UGT2B11: variants seen among roughly 807,000 people sequenced by gnomAD.
UGT2B11 encodes UDP glucuronosyltransferase family 2 member B11, also known as UDP-glucuronosyltransferase 2B11.
Under a neutral mutation model 51.7 loss-of-function variants are expected in UGT2B11, and 49 were observed. The observed-to-expected ratio is 0.95, with a 90% CI of 0.75 to 1.20. The LOEUF is 1.20. Ranked by LOEUF, UGT2B11 falls within the 50% of genes most tolerant of loss-of-function variation. The pLI, the probability that UGT2B11 is intolerant of heterozygous loss-of-function variation, is 0.00. For missense variants in UGT2B11, 810 were observed against 622.1 expected (o/e 1.30, Z -3.21); for synonymous variants, 273 against 209.0 (o/e 1.31, Z -2.64).
chr4:69,214,301 T>C lies in UGT2B11; in HGVS notation c.422A>G (p.Gln141Arg), dbSNP rs139826685. Residue 141 changes from glutamine (Q) to arginine (R), a missense_variant, in exon 1 of 6, where the codon CAA becomes CGA. Physicochemically the swap from Gln to Arg is conservative, Grantham distance 43. Coordinates refer to ENST00000446444, the MANE Select transcript of UGT2B11 (RefSeq NM_001073.3). ...AAAAACGATGTCAAATCTTGACTCTTGTAGTTTTTTCATAACTTTCTTATT... is the reference window on the plus strand; with the variant it reads ...AAAAACGATGTCAAATCTTGACTCTCGTAGTTTTTTCATAACTTTCTTATT... The part of the protein sequence containing the change: ...VSNKKVMKKL[Q>R]ESRFDIVFAD... The C allele has an allele frequency of 9.9e-6, 16 of 1,613,242 alleles. No individual in the cohort carries two copies. The African/African-American group carries it at 1.5e-4, about 15-fold the overall frequency.
rs781188180 is a variant in UGT2B11 at position 69,208,370 on chromosome 4, A to C, written c.983T>G (p.Leu328Arg). The change falls in exon 3 of 6, where the codon CTT becomes CGT. Residue 328 changes from leucine (L) to arginine (R), a missense_variant. Leu to Arg is a moderately radical substitution (Grantham distance 102). Coordinates refer to ENST00000446444, the MANE Select transcript of UGT2B11 (RefSeq NM_001073.3). Reference protein sequence around the residue: ...AERANVIATALAKIPQKVLWR... With the variant: ...AERANVIATARAKIPQKVLWR... ...TCTTACCTTTTGTGGGATCTTGGCA[A>C]GGGCTGTTGCAATTACATTGGCCCT... 6.8e-6 allele frequency: 11 copies of C among 1,611,134 alleles called. No homozygotes were observed. The highest frequency in any genetic ancestry group is 8.5e-6 in the Non-Finnish European group (10 of 1,178,104).
rs1722168578 is a variant in UGT2B11 at position 69,213,996 on chromosome 4, T to C, written c.721+6A>G. On this transcript the variant is annotated splice_donor_region_variant and intron_variant, in intron 1 of 5. Transcript: ENST00000446444. ...TCTTCACGTTACCGATTAAACAAAT[T>C]CTTACCTAAAACTTCACTGTAAAAC... is the stretch of plus-strand genomic sequence containing the variant. The C allele has an allele frequency of 1.4e-5, 21 of 1,552,312 alleles. No homozygotes were observed. Among genetic ancestry groups the C allele is most frequent in the Admixed American group, 2.0e-5 (1 of 49,288 alleles).
chr4:69,223,688 G>T, the UGT2B11 span, among the ~76,000 whole-genome samples: 7 of 152,244 alleles, frequency 4.6e-5, no homozygotes, highest in South Asian at 2.1e-4. Context: ...AAGCTTAAAG[G>T]GGGTGGTGGA....
chr4:69,203,529 T>A (rs372861501), intron 5 of UGT2B11, among the ~76,000 whole-genome samples: 7 of 151,660 alleles, frequency 4.6e-5, no homozygotes, highest in Admixed American at 4.0e-4. Context: ...AACATATTTA[T>A]GCAAAAACAA....
chr4:69,209,075 T>TA (rs940475060), intron 2 of UGT2B11, among the ~76,000 whole-genome samples: 4 of 150,360 alleles, frequency 2.7e-5, no homozygotes, highest in Admixed American at 6.6e-5. Flanking sequence ...TTTCAAAAAA[T>TA]AAAAAATGAA....
the UGT2B11 span, among the ~76,000 whole-genome samples, chr4:69,222,346 G>A: frequency 1.3e-5 from 2 of 152,344 alleles, no homozygotes; most frequent in East Asian, 3.9e-4. Context: ...TTCTAGAAAA[G>A]CAGAGGGGTT....
intron 2 of UGT2B11, among the ~76,000 whole-genome samples, chr4:69,209,586 G>A (rs532893378): frequency 2.2e-4 from 30 of 137,344 alleles, no homozygotes; most frequent in Non-Finnish European, 3.9e-4. Context: ...AGAAAAAAAC[G>A]TCTAAATGTA....
intron 3 of UGT2B11, 175 bp from the exon 4 acceptor site, chr4:69,205,742 A>G (rs888314224): frequency 7.4e-5 from 53 of 719,150 alleles, no homozygotes; most frequent in Non-Finnish European, 9.9e-5. Context: ...AATGATTTAG[A>G]TATATAAGAA....
intron 2 of UGT2B11, among the ~76,000 whole-genome samples, chr4:69,209,860 G>C (rs1340775809): frequency 2.6e-5 from 4 of 151,394 alleles, no homozygotes; most frequent in African/African-American, 9.7e-5. Flanking sequence ...TTGACTGGTT[G>C]TTTCTCCTTT....
In UGT2B11 at chr4:69,214,733, T is replaced by A. The variant is rs373523820; in HGVS notation, c.-11A>T. On this transcript the variant is annotated 5_prime_UTR_variant, in exon 1 of 6. Coordinates refer to ENST00000446444, the MANE Select transcript of UGT2B11 (RefSeq NM_001073.3). ...CCATTTCAGAGTCATCCTGGTGCAA[T>A]GCGATCATTCTTTTCCAGTCACTGT... 1 of 1,608,718 alleles carries A rather than the reference T, an allele frequency of 6.2e-7. No individual in the cohort carries two copies. The highest frequency in any genetic ancestry group is 1.3e-5 in the African/African-American group (1 of 74,688).
At chr4:69,223,466 C>G in the UGT2B11 span, among the ~76,000 whole-genome samples, 1 of 152,134 alleles carries the variant, frequency 6.6e-6, no homozygotes, top group African/African-American at 2.4e-5. Flanking sequence ...CTTCCGTTGT[C>G]CCTGCTGTGC....
In UGT2B11 at chr4:69,200,529, C is replaced by T. The variant is rs2109936758; in HGVS notation, c.1501G>A (p.Val501Met). Residue 501 changes from valine to methionine, a missense_variant, in exon 6 of 6, where the codon GTG becomes ATG. Coordinates refer to ENST00000446444, the MANE Select transcript of UGT2B11 (RefSeq NM_001073.3). Reference sequence around the variant, plus strand: ...GTGATGATAAATATCACAGTTGCCACACAGGCCAGCAGAAACCCAATCACA... The same window carrying T: ...GTGATGATAAATATCACAGTTGCCATACAGGCCAGCAGAAACCCAATCACA... ...LDVIGFLLAC[V>M]ATVIFIITKF... The T allele has an allele frequency of 1.2e-6, 2 of 1,612,272 alleles. No homozygotes were observed. Among genetic ancestry groups the T allele is most frequent in the Non-Finnish European group, 8.5e-7 (1 of 1,178,936 alleles).
At chr4:69,206,861 T>A (rs1265096549) in intron 3 of UGT2B11, among the ~76,000 whole-genome samples, 1 of 151,600 alleles carries the variant, frequency 6.6e-6, no homozygotes, top group Non-Finnish European at 1.5e-5. Flanking sequence ...TACTTGTCGG[T>A]AGGTTATTAT....
chr4:69,215,795 C>T (rs1210149913), upstream of UGT2B11: 1 of 151,796 alleles, frequency 6.6e-6, no homozygotes, highest in Non-Finnish European at 1.5e-5. Context: ...TTTCACATAA[C>T]CAAAAAAGTT....
upstream of UGT2B11, among the ~76,000 whole-genome samples, chr4:69,217,007 C>T (rs1577969177): frequency 6.6e-6 from 1 of 152,106 alleles, no homozygotes; most frequent in Admixed American, 6.6e-5. Flanking sequence ...TGTTTCCTGA[C>T]ATTATTTTTC....
At chr4:69,218,354 G>A (rs1191236528), upstream of UGT2B11, among the ~76,000 whole-genome samples, 4 of 152,020 alleles carry the variant, frequency 2.6e-5, no homozygotes, top group Admixed American at 6.6e-5. Context: ...AACACAAATA[G>A]ACCCTGGAAT....
At chr4:69,224,381 A>G in the UGT2B11 span, among the ~76,000 whole-genome samples, 2 of 152,098 alleles carry the variant, frequency 1.3e-5, no homozygotes, top group African/African-American at 2.4e-5. Flanking sequence ...GACCACCATG[A>G]AAAGTGAAAG....
chr4:69,202,684 A>G (rs1483358786), intron 5 of UGT2B11, among the ~76,000 whole-genome samples: 1 of 151,696 alleles, frequency 6.6e-6, no homozygotes, highest in Non-Finnish European at 1.5e-5. Flanking sequence ...CTTACTCATT[A>G]TTTGCTCCTT....
At chr4:69,209,745 G>T (rs569472549) in intron 2 of UGT2B11, among the ~76,000 whole-genome samples, 11 of 151,550 alleles carry the variant, frequency 7.3e-5, no homozygotes, top group Admixed American at 5.3e-4. Flanking sequence ...CACATTTAAT[G>T]TAACTCGTTT....
Sources: allele counts gnomAD v4.1 joint callset (sites outside exome capture counted in the v4.1 genomes callset), GRCh38; gene constraint gnomAD v4.1.1; transcripts MANE v1.5; gene names NCBI Gene and HGNC (gene_info 2026-07-23, HGNC 2026-07-21).